Variants in GRK5 observed in about 807,000 individuals in gnomAD.
GRK5 encodes the protein g protein-coupled receptor kinase GRK5.
Under a neutral mutation model 78.4 loss-of-function variants are expected in GRK5, and 40 were observed. The observed-to-expected ratio is 0.51, with a 90% CI of 0.40 to 0.66. GRK5 has a LOEUF of 0.66. GRK5 is among the 30% of genes least tolerant of loss of function. GRK5 has a pLI of 0.00. For synonymous variants in GRK5, 289 were observed against 296.8 expected, an observed-to-expected ratio of 0.97 and a Z score of 0.27; for missense variants, 598 against 759.9, an observed-to-expected ratio of 0.79 and a Z score of 2.50.
intron 1 of GRK5, among the ~76,000 whole-genome samples, chr10:119,294,316 C>T (rs1463698921): frequency 9.9e-5 from 15 of 152,108 alleles, no homozygotes; most frequent in Admixed American, 7.9e-4. Flanking sequence ...GGTGCTCTTG[C>T]GGGTGAGGAC....
At chr10:119,311,831 A>G (rs191081087) in intron 1 of GRK5, among the ~76,000 whole-genome samples, 1 of 151,902 alleles carries the variant, frequency 6.6e-6, no homozygotes. Flanking sequence ...TCCTAGTGAC[A>G]GAAATGTTTT....
Position 119,379,463 on chromosome 10 carries a change from G to A in GRK5, c.149-1352G>A, listed in dbSNP as rs896068087. 1.3e-5 allele frequency among the ~76,000 whole-genome samples: 2 copies of A among 152,176 alleles called. No homozygotes were observed. Among genetic ancestry groups the A allele is most frequent in the African/African-American group, 4.8e-5 (2 of 41,428 alleles). On this transcript the variant is annotated intron_variant, in intron 2 of 15. Transcript: ENST00000392870. The surrounding 1 kb of genome is among the most constrained non-coding windows in gnomAD (Gnocchi z 4.1). ...AGACTAAGAATCAAAGTGTGCCAGC[G>A]CAGTGGTTGTGTTCATATCCCCTTG...
intron 1 of GRK5, among the ~76,000 whole-genome samples, chr10:119,260,408 G>T (rs1172028730): frequency 7.3e-6 from 1 of 137,448 alleles, no homozygotes; most frequent in Non-Finnish European, 1.6e-5. Context: ...CAGATGACAT[G>T]GTCTTTTTTT....
rs1460907396 is a variant in GRK5, at chr10:119,267,019, G to A, written c.52+59050G>A. Among the ~76,000 whole-genome samples the A allele has an allele frequency of 2.0e-5, 3 of 151,982 alleles. No individual in the cohort carries two copies. Among genetic ancestry groups the A allele is most frequent in the Non-Finnish European group, 4.4e-5 (3 of 67,984 alleles). On this transcript the variant is annotated intron_variant, in intron 1 of 15. Coordinates refer to ENST00000392870, the MANE Select transcript of GRK5 (RefSeq NM_005308.3). The surrounding 1 kb of genome is among the most constrained non-coding windows in gnomAD (Gnocchi z 4.1). The stretch of plus-strand genomic sequence containing the variant: ...AGCACTTTGGGAGGCCGAGGTGCGC[G>A]GATCACCTGAGGTCGGGAGTTCTAA...
intron 1 of GRK5, among the ~76,000 whole-genome samples, chr10:119,279,704 C>T (rs891972325): frequency 2.8e-4 from 42 of 152,366 alleles, no homozygotes; most frequent in African/African-American, 9.6e-4. Context: ...AGAAGAGCCA[C>T]GCTGCAGGGC....
intron 3 of GRK5, among the ~76,000 whole-genome samples, chr10:119,391,162 GC>G (rs937343189): frequency 6.6e-6 from 1 of 152,182 alleles, no homozygotes; most frequent in African/African-American, 2.4e-5. Flanking sequence ...CCCATCTATT[GC>G]CCTAAGTTGG....
At chr10:119,340,566 T>G (rs1430993115) in intron 2 of GRK5, among the ~76,000 whole-genome samples, 2 of 152,262 alleles carry the variant, frequency 1.3e-5, no homozygotes, top group South Asian at 2.1e-4. Context: ...TTTGGTCTGT[T>G]GCCCTTTTGT....
At chr10:119,213,815 C>T (rs772176237) in intron 1 of GRK5, among the ~76,000 whole-genome samples, 45 of 152,140 alleles carry the variant, frequency 3.0e-4, no homozygotes, top group Non-Finnish European at 6.3e-4. Flanking sequence ...GAATAGGCTT[C>T]TGAAAATCTT....
Position 119,437,238 on chromosome 10 carries a change from C to T in GRK5, c.929+397C>T, listed in dbSNP as rs528107435. On this transcript the variant is annotated intron_variant, in intron 9 of 15. Transcript: ENST00000392870. ...GGATCAGTCCTGGGAAGACTTGGGT[C>T]GGGTCACTGCCCACAAGCAGAATCG... 1.5e-4 allele frequency among the ~76,000 whole-genome samples: 23 copies of T among 152,264 alleles called. No homozygotes were observed. The South Asian group carries it at 3.5e-3, about 23-fold the overall frequency.
At chr10:119,299,835 T>C (rs1889743) in intron 1 of GRK5, among the ~76,000 whole-genome samples, 60,359 of 151,686 alleles carry the variant, frequency 0.4, 13,621 homozygotes, top group Non-Finnish European at 0.51. Context: ...TAATACACTT[T>C]AAGTTCTAGG....
chr10:119,332,827 C>T (rs1288277011), intron 2 of GRK5, among the ~76,000 whole-genome samples: 1 of 152,230 alleles, frequency 6.6e-6, no homozygotes, highest in African/African-American at 2.4e-5. Flanking sequence ...TTCTTCCTCA[C>T]ACTTTTTCTT....
chr10:119,449,139 C>G (rs1399616693), intron 13 of GRK5, among the ~76,000 whole-genome samples: 1 of 152,194 alleles, frequency 6.6e-6, no homozygotes, highest in Non-Finnish European at 1.5e-5. Context: ...ATGTGCACCT[C>G]TCTTCCCAAT....
At position 119,431,812 on chromosome 10, in the gene GRK5, C is replaced by T. The variant is rs1312511974; in HGVS notation, c.738+285C>T. On this transcript the variant is annotated intron_variant, in intron 8 of 15. Coordinates refer to ENST00000392870, the MANE Select transcript of GRK5 (RefSeq NM_005308.3). This position sits in a 1 kb window ranked among gnomAD's most constrained non-coding sequence, Gnocchi z 4.8. ...GTTCTCCTGGACCACTTTGTAAACTCCTCAGTGGACAAAGAAAGTTCACCT... is the reference window on the plus strand; with the variant it reads ...GTTCTCCTGGACCACTTTGTAAACTTCTCAGTGGACAAAGAAAGTTCACCT... Among the ~76,000 whole-genome samples the T allele has an allele frequency of 6.6e-6, 1 of 152,214 alleles. No homozygotes were observed. The highest frequency in any genetic ancestry group is 2.4e-5 in the African/African-American group (1 of 41,454).
chr10:119,255,055 A>G (rs978713636), intron 1 of GRK5, among the ~76,000 whole-genome samples: 6 of 149,336 alleles, frequency 4.0e-5, no homozygotes, highest in African/African-American at 1.5e-4. Flanking sequence ...AAAAAAAAAA[A>G]AAGAAGGAAA....
chr10:119,345,555 C>CT (rs1270007266), intron 2 of GRK5, among the ~76,000 whole-genome samples: 1 of 152,164 alleles, frequency 6.6e-6, no homozygotes, highest in Non-Finnish European at 1.5e-5. Flanking sequence ...TAGCTGGTAT[C>CT]TTTTTTCTTC....
At chr10:119,434,085 C>T (rs1852874465) in intron 8 of GRK5, among the ~76,000 whole-genome samples, 1 of 152,190 alleles carries the variant, frequency 6.6e-6, no homozygotes, top group Non-Finnish European at 1.5e-5. Context: ...GACTTATTCA[C>T]TACTATGAGA....
intron 2 of GRK5, among the ~76,000 whole-genome samples, chr10:119,327,964 C>T (rs1850708100): frequency 6.6e-6 from 1 of 152,230 alleles, no homozygotes; most frequent in African/African-American, 2.4e-5. Flanking sequence ...GGTTCAGATC[C>T]TGCCCTCTCT....
intron 2 of GRK5, among the ~76,000 whole-genome samples, chr10:119,327,278 C>T (rs1339435983): frequency 5.9e-5 from 9 of 152,192 alleles, no homozygotes; most frequent in Admixed American, 1.3e-4. Context: ...ACGCAGGACA[C>T]GGCTGTGGTG....
intron 1 of GRK5, among the ~76,000 whole-genome samples, chr10:119,257,720 T>G (rs983458984): frequency 6.6e-6 from 1 of 151,982 alleles, no homozygotes; most frequent in East Asian, 1.9e-4. Context: ...CGAGACTCTG[T>G]CTAAACAAAA....
Sources: gnomAD v4.1 joint callset for allele counts (sites outside exome capture counted in the v4.1 genomes callset) on GRCh38, gnomAD v4.1.1 for gene constraint, Gnocchi (gnomAD v3.1) non-coding constraint, MANE v1.5 for transcripts, NCBI Gene and HGNC (gene_info 2026-07-23, HGNC 2026-07-21) for gene names.